The following MICU3 variants were observed in gnomAD, a reference collection of about 807,000 sequenced individuals.
The protein encoded by MICU3 is mitochondrial calcium uptake 3.
In MICU3, 62 loss-of-function variants were observed where a neutral mutation model predicts 66.5. The observed-to-expected ratio is 0.93, with a 90% CI of 0.76 to 1.15. The LOEUF is 1.15. MICU3 is among the 50% of genes most tolerant of loss of function. MICU3 has a pLI of 0.00. For synonymous variants in MICU3, 308 were observed against 240.7 expected (o/e 1.28, Z -2.59); for missense variants, 779 against 664.4 (o/e 1.17, Z -1.90).
At chr8:17,106,438 A>C (rs555744180) in intron 11 of MICU3, among the ~76,000 whole-genome samples, 14 of 151,592 alleles carry the variant, frequency 9.2e-5, no homozygotes, top group Admixed American at 1.3e-4. Context: ...GTTAAACGGA[A>C]TTTTTCCAAT....
chr8:17,083,505 A>C (rs1160141854), intron 5 of MICU3, among the ~76,000 whole-genome samples: 1 of 152,150 alleles, frequency 6.6e-6, no homozygotes, highest in Non-Finnish European at 1.5e-5. Context: ...TTCCTCCCAA[A>C]GTTAGTTTGG....
At chr8:17,062,411 C>T (rs1817978979) in intron 1 of MICU3, among the ~76,000 whole-genome samples, 2 of 152,028 alleles carry the variant, frequency 1.3e-5, no homozygotes, top group African/African-American at 4.8e-5. Context: ...TTTCTTATGC[C>T]GTTAGAAGTG....
At chr8:17,119,705 T>C (rs1803045969) in intron 14 of MICU3, among the ~76,000 whole-genome samples, 1 of 152,158 alleles carries the variant, frequency 6.6e-6, no homozygotes, top group Non-Finnish European at 1.5e-5. Context: ...TTTATTAGAT[T>C]GTAATATGCT....
At chr8:17,117,760 A>T (rs1802822537) in intron 13 of MICU3, among the ~76,000 whole-genome samples, 1 of 151,986 alleles carries the variant, frequency 6.6e-6, no homozygotes, top group Non-Finnish European at 1.5e-5. Context: ...AGGTGTGCAC[A>T]ACCGTGCCCG....
chr8:17,061,577 C>T (rs17624806), intron 1 of MICU3, among the ~76,000 whole-genome samples: 18,539 of 152,028 alleles, frequency 0.12, 1,535 homozygotes, highest in Admixed American at 0.2. Context: ...AATGGTAGAT[C>T]GAGGCATGCT....
chr8:17,057,303 G>T (rs912444974), intron 1 of MICU3, among the ~76,000 whole-genome samples: 1 of 152,108 alleles, frequency 6.6e-6, no homozygotes, highest in Non-Finnish European at 1.5e-5. Context: ...GGGAAATCAG[G>T]GATGGGTTGG....
intron 1 of MICU3, among the ~76,000 whole-genome samples, chr8:17,063,018 T>C (rs1451162988): frequency 6.6e-6 from 1 of 152,230 alleles, no homozygotes; most frequent in African/African-American, 2.4e-5. Flanking sequence ...GTTTATGTTA[T>C]ACTATAAACA....
In MICU3 at chr8:17,122,473, C is replaced by T. The variant is rs986937793; in HGVS notation, c.*2186C>T. Reference sequence around the variant, plus strand: ...CATAAAATTCATATTAAACTTTTTACAGAAAGCATACATGATAAACAGTTT... The same window carrying T: ...CATAAAATTCATATTAAACTTTTTATAGAAAGCATACATGATAAACAGTTT... On this transcript the variant is annotated 3_prime_UTR_variant, in exon 15 of 15. Transcript: ENST00000318063. 1 of 151,858 alleles carries T rather than the reference C, an allele frequency of 6.6e-6. No homozygotes were observed. Among genetic ancestry groups the T allele is most frequent in the African/African-American group, 2.4e-5 (1 of 41,438 alleles). The allele number at this position is 151,858 out of a possible 1,614,324, so 9.4% of individuals were successfully genotyped here. A position where few individuals can be genotyped will look rare whatever the true frequency, so the allele number is the denominator to read the frequency against.
chr8:17,094,189 A>G (rs1422027752), intron 8 of MICU3, among the ~76,000 whole-genome samples: 11 of 152,122 alleles, frequency 7.2e-5, no homozygotes, highest in Middle Eastern at 3.4e-3. Flanking sequence ...CTTGGACCCA[A>G]CGTCATGATT....
At chr8:17,097,275 C>A (rs1800809331) in intron 8 of MICU3, among the ~76,000 whole-genome samples, 1 of 151,582 alleles carries the variant, frequency 6.6e-6, no homozygotes, top group Non-Finnish European at 1.5e-5. Flanking sequence ...TGTATTAGTT[C>A]TATATTTAGC....
downstream of MICU3, among the ~76,000 whole-genome samples, chr8:17,125,383 C>CT (rs1431459600): frequency 6.6e-6 from 1 of 151,824 alleles, no homozygotes; most frequent in African/African-American, 2.4e-5. Context: ...TGCCTTATTT[C>CT]TTTTTTTCCC....
chr8:17,110,512 T>C (rs778024580), intron 11 of MICU3, among the ~76,000 whole-genome samples: 3 of 152,180 alleles, frequency 2.0e-5, no homozygotes, highest in East Asian at 1.9e-4. Flanking sequence ...TGGAATCATA[T>C]AGCATGTAAC....
intron 12 of MICU3, among the ~76,000 whole-genome samples, chr8:17,116,074 G>A (rs2150836445): frequency 6.6e-6 from 1 of 152,270 alleles, no homozygotes; most frequent in African/African-American, 2.4e-5. Flanking sequence ...CACTTTATTG[G>A]TAGTTTTTGT....
intron 11 of MICU3, among the ~76,000 whole-genome samples, chr8:17,107,657 C>G (rs1053328487): frequency 5.3e-5 from 8 of 152,146 alleles, no homozygotes; most frequent in African/African-American, 1.9e-4. Context: ...CTGTCTGCAG[C>G]TGTTTTTACA....
chr8:17,048,517 A>G (rs929340065), intron 1 of MICU3, among the ~76,000 whole-genome samples: 7 of 152,086 alleles, frequency 4.6e-5, no homozygotes, highest in African/African-American at 1.7e-4. Context: ...TGATTCAGTT[A>G]CCTCCCCTTG....
chr8:17,064,976 G>T (rs571527376), intron 2 of MICU3, among the ~76,000 whole-genome samples: 1 of 152,072 alleles, frequency 6.6e-6, no homozygotes, highest in Non-Finnish European at 1.5e-5. Flanking sequence ...AGGATTTCTG[G>T]CTGGCTTACC....
intron 1 of MICU3, among the ~76,000 whole-genome samples, chr8:17,035,233 A>G (rs962606683): frequency 5.9e-5 from 9 of 152,156 alleles, no homozygotes; most frequent in African/African-American, 2.2e-4. Context: ...AGTCTTGGGT[A>G]TGTTTTTATT....
chr8:17,082,001 C>T, intron 5 of MICU3: 2 of 289,496 alleles, frequency 6.9e-6, no homozygotes, highest in South Asian at 7.3e-5. Context: ...TTTAATCTAC[C>T]TCAGACTCCA....
At chr8:17,130,504 C>G in the MICU3 span, among the ~76,000 whole-genome samples, 4 of 151,242 alleles carry the variant, frequency 2.6e-5, no homozygotes, top group African/African-American at 9.7e-5. Context: ...GGGAGCAAGA[C>G]TCTGTCTCAA....
Sources: gnomAD v4.1 joint callset for allele counts (sites outside exome capture counted in the v4.1 genomes callset) on GRCh38, gnomAD v4.1.1 for gene constraint, MANE v1.5 for transcripts, NCBI Gene and HGNC (gene_info 2026-07-23, HGNC 2026-07-21) for gene names.